Variants in ANKRD12 observed in about 807,000 individuals in gnomAD.
The protein encoded by ANKRD12 is ankyrin repeat domain 12.
A neutral mutation model predicts 183.4 loss-of-function variants in ANKRD12; 85 were observed. The ratio of observed to expected loss-of-function variants is 0.46; its 90% confidence interval spans 0.39 to 0.56. The LOEUF is 0.56. ANKRD12 is among the 20% of genes least tolerant of loss of function. The probability of loss-of-function intolerance (pLI) is 0.00; values close to 1 mark genes in which losing one functional copy is unlikely to be tolerated. For synonymous variants in ANKRD12, 914 were observed against 800.2 expected, an observed-to-expected ratio of 1.14 and a Z score of -2.40; for missense variants, 2,405 against 2,357.1, an observed-to-expected ratio of 1.02 and a Z score of -0.42.
intron 1 of ANKRD12, among the ~76,000 whole-genome samples, chr18:9,151,434 C>T (rs1171300110): frequency 6.6e-6 from 1 of 152,074 alleles, no homozygotes; most frequent in Non-Finnish European, 1.5e-5. Flanking sequence ...AATTTTGGAA[C>T]GAGAGGATCT....
rs1307591924 is a variant in ANKRD12, at chr18:9,262,786, CCTTTTTTTTTTTT to C, written c.5665-1003_5665-991del. Among the ~76,000 whole-genome samples the C allele has an allele frequency of 1.0e-3, 88 of 87,944 alleles. 3 individuals carry two copies. The East Asian group carries it at 0.022, about 22-fold the overall frequency. The allele number at this position is 87,944 out of a possible 152,430, so 57.7% of individuals were successfully genotyped here. On this transcript the variant is annotated intron_variant, in intron 9 of 12. Coordinates refer to ENST00000262126, the MANE Select transcript of ANKRD12 (RefSeq NM_015208.5). ...AGCCACCATGCCCAGCCAAGATGTC[CCTTTTTTTTTTTT>C]TTTTTTTTTTTTTTTTTGAGACAGA...
chr18:9,233,312 A>G (rs1321386870), intron 8 of ANKRD12, among the ~76,000 whole-genome samples: 1 of 151,684 alleles, frequency 6.6e-6, no homozygotes, highest in African/African-American at 2.4e-5. Flanking sequence ...TCTCATTCCT[A>G]TCTTGAATGG....
At chr18:9,163,219 T>G (rs2031652879) in intron 1 of ANKRD12, among the ~76,000 whole-genome samples, 1 of 152,216 alleles carries the variant, frequency 6.6e-6, no homozygotes, top group Non-Finnish European at 1.5e-5. Flanking sequence ...AATTTTTGTA[T>G]AAATTGTAAG....
In ANKRD12 at chr18:9,258,010, T is replaced by C. The variant is rs2038741715; in HGVS notation, c.4743T>C (p.Thr1581=). 2 of 1,613,744 alleles carry C rather than the reference T, an allele frequency of 1.2e-6. No individual in the cohort carries two copies. Among genetic ancestry groups the C allele is most frequent in the East Asian group, 4.5e-5 (2 of 44,870 alleles). Residue 1581 remains threonine, a synonymous_variant, in exon 9 of 13, where the codon ACT becomes ACC. Coordinates refer to ENST00000262126, the MANE Select transcript of ANKRD12 (RefSeq NM_015208.5). ...EASPNFEKAY[T]LPVLPSEKDF... is the part of the protein sequence containing the mutation. ...CACCAAACTTTGAGAAAGCTTATAC[T>C]TTACCTGTGTTACCATCAGAAAAGG...
At chr18:9,228,678 T>C (rs946326868) in intron 8 of ANKRD12, among the ~76,000 whole-genome samples, 1 of 152,178 alleles carries the variant, frequency 6.6e-6, no homozygotes, top group African/African-American at 2.4e-5. Flanking sequence ...TTCTTCACTG[T>C]TGAGGTACTT....
chr18:9,182,460 A>G lies in ANKRD12; in HGVS notation c.28A>G (p.Ile10Val), dbSNP rs767324591. The change falls in exon 2 of 13, where the codon ATT becomes GTT. Residue 10 changes from isoleucine to valine, a missense_variant. Physicochemically the swap from Ile to Val is conservative, Grantham distance 29. This residue lies in a region of ANKRD12 where 145 missense variants were observed against 145.6 expected (regional missense o/e 1.00). Coordinates refer to ENST00000262126, the MANE Select transcript of ANKRD12 (RefSeq NM_015208.5). MPKSGFTKPIQSENSDSDSN... is the reference protein window; with the variant it reads MPKSGFTKPVQSENSDSDSN... Reference sequence around the variant, plus strand: ...GCCCAAATCTGGGTTCACAAAACCAATTCAGAGTGAAAATTCTGACAGTGA... The same window carrying G: ...GCCCAAATCTGGGTTCACAAAACCAGTTCAGAGTGAAAATTCTGACAGTGA... 2 of 1,611,912 alleles carry G rather than the reference A, an allele frequency of 1.2e-6. No individual in the cohort carries two copies. Among genetic ancestry groups the G allele is most frequent in the African/African-American group, 1.3e-5 (1 of 74,826 alleles).
intron 8 of ANKRD12, among the ~76,000 whole-genome samples, chr18:9,228,042 G>C (rs1329669840): frequency 1.3e-5 from 2 of 152,112 alleles, no homozygotes; most frequent in Non-Finnish European, 2.9e-5. Context: ...ATATGAGTGA[G>C]AGAACATGCT....
chr18:9,265,319 A>G (rs747412202), intron 10 of ANKRD12, among the ~76,000 whole-genome samples: 3 of 152,196 alleles, frequency 2.0e-5, no homozygotes, highest in Non-Finnish European at 2.9e-5. Context: ...GAACGGACAG[A>G]CTGCCTTCTC....
intron 2 of ANKRD12, among the ~76,000 whole-genome samples, chr18:9,194,396 G>T: frequency 6.6e-6 from 1 of 150,820 alleles, no homozygotes; most frequent in East Asian, 1.9e-4. Context: ...TGCTCTTGTT[G>T]CCCAGGCTGG....
chr18:9,143,224 T>C (rs1467793140), intron 1 of ANKRD12, among the ~76,000 whole-genome samples: 2 of 152,188 alleles, frequency 1.3e-5, no homozygotes, highest in African/African-American at 2.4e-5. Flanking sequence ...CTTCAAAAAG[T>C]TGTTGCCAGA....
intron 1 of ANKRD12, among the ~76,000 whole-genome samples, chr18:9,175,751 C>T (rs917813123): frequency 6.6e-6 from 1 of 151,864 alleles, no homozygotes; most frequent in African/African-American, 2.4e-5. Context: ...TGGTCTTGAA[C>T]TCCTGAGCTC....
chr18:9,162,239 C>CCAATAT, intron 1 of ANKRD12, among the ~76,000 whole-genome samples: 1 of 151,572 alleles, frequency 6.6e-6, no homozygotes. Context: ...CCCCCCCACC[C>CCAATAT]CAATATGTCC....
intron 8 of ANKRD12, among the ~76,000 whole-genome samples, chr18:9,236,489 A>AGT (rs1481543925): frequency 9.2e-5 from 14 of 152,334 alleles, no homozygotes; most frequent in African/African-American, 2.6e-4. Flanking sequence ...CAGTTGATGA[A>AGT]GTGGGGGATA....
intron 4 of ANKRD12, among the ~76,000 whole-genome samples, chr18:9,207,501 G>A (rs2035552376): frequency 6.6e-6 from 1 of 151,620 alleles, no homozygotes; most frequent in Non-Finnish European, 1.5e-5. Flanking sequence ...TGATTAAGTG[G>A]CACACTGGAA....
intron 11 of ANKRD12, among the ~76,000 whole-genome samples, chr18:9,279,266 C>T (rs2039997627): frequency 1.3e-5 from 2 of 152,102 alleles, no homozygotes; most frequent in African/African-American, 4.8e-5. Context: ...GGGCACAGTA[C>T]TTAATGTAAC....
intron 4 of ANKRD12, among the ~76,000 whole-genome samples, chr18:9,207,616 T>A (rs1271073200): frequency 6.6e-6 from 1 of 152,174 alleles, no homozygotes; most frequent in Admixed American, 6.5e-5. Context: ...TAGCTGCTCT[T>A]CATATCTGCT....
At position 9,259,464 on chromosome 18, in the gene ANKRD12, ACTCT is replaced by A. The variant is rs1025326697; in HGVS notation, c.5664+534_5664+537del. On this transcript the variant is annotated intron_variant, in intron 9 of 12. Coordinates refer to ENST00000262126, the MANE Select transcript of ANKRD12 (RefSeq NM_015208.5). ...TTATGTGTTTACAATACATATGCAG[ACTCT>A]ATATAAACACATAAATGTGTGTAAT... 1.5e-4 allele frequency: 23 copies of A among 152,362 alleles called. 1 individual carries two copies. Among genetic ancestry groups the A allele is most frequent in the Middle Eastern group, 3.4e-3 (1 of 294 alleles). 9.4% of individuals were successfully genotyped at this position (152,362 alleles called of 1,614,324 possible).
intron 1 of ANKRD12, among the ~76,000 whole-genome samples, chr18:9,145,214 C>G (rs1209904222): frequency 6.6e-6 from 1 of 152,176 alleles, no homozygotes; most frequent in African/African-American, 2.4e-5. Flanking sequence ...CCTCAAACTT[C>G]TGGGCTCAAG....
intron 1 of ANKRD12, among the ~76,000 whole-genome samples, chr18:9,152,687 T>C (rs1247210278): frequency 2.6e-5 from 4 of 152,134 alleles, no homozygotes; most frequent in Non-Finnish European, 5.9e-5. Flanking sequence ...TTCTGTCACA[T>C]AGATTGAATG....
Sources: gnomAD v4.1 joint callset for allele counts (sites outside exome capture counted in the v4.1 genomes callset) on GRCh38, gnomAD v4.1.1 for gene constraint, gnomAD v4.1.1 regional missense constraint, MANE v1.5 for transcripts, NCBI Gene and HGNC (gene_info 2026-07-23, HGNC 2026-07-21) for gene names.